KPNA7: variants seen among roughly 807,000 people sequenced by gnomAD.
The protein encoded by KPNA7 is karyopherin subunit alpha 7.
Under a neutral mutation model 53.7 loss-of-function variants are expected in KPNA7, and 54 were observed. The observed-to-expected ratio is 1.01, with a 90% confidence interval of 0.81 to 1.26. The LOEUF (loss-of-function observed/expected upper bound fraction) is 1.26. KPNA7 is among the 50% of genes most tolerant of loss of function. The pLI, the probability that KPNA7 is intolerant of heterozygous loss-of-function variation, is 0.00. For synonymous variants in KPNA7, 276 were observed against 259.3 expected (o/e 1.06, Z -0.62); for missense variants, 640 against 644.5 (o/e 0.99, Z 0.07).
chr7:99,212,556 CT>C (rs1372198441), upstream of KPNA7, among the ~76,000 whole-genome samples: 5 of 151,858 alleles, frequency 3.3e-5, no homozygotes, highest in East Asian at 9.7e-4. Context: ...GCATGGCTTA[CT>C]TTTAAGTAAT....
chr7:99,212,030 G>T (rs1373952355), upstream of KPNA7, among the ~76,000 whole-genome samples: 2 of 152,192 alleles, frequency 1.3e-5, no homozygotes, highest in African/African-American at 4.8e-5. Flanking sequence ...TTTGGTTGCT[G>T]CCCAGGGAGC....
intron 3 of KPNA7, among the ~76,000 whole-genome samples, chr7:99,197,819 T>C (rs528692305): frequency 4.6e-5 from 7 of 152,236 alleles, no homozygotes; most frequent in African/African-American, 9.6e-5. Flanking sequence ...AAGATGAAAA[T>C]TGACAGATCT....
downstream of KPNA7, among the ~76,000 whole-genome samples, chr7:99,170,306 G>A (rs991089711): frequency 4.6e-5 from 7 of 152,158 alleles, no homozygotes; most frequent in Admixed American, 2.6e-4. Flanking sequence ...TAATGAAGAA[G>A]GAGGCTTGAA....
In KPNA7 at chr7:99,184,948, A is replaced by G. The variant is rs1374086459; in HGVS notation, c.1115T>C (p.Leu372Ser). The G allele has an allele frequency of 1.3e-6, 2 of 1,551,930 alleles. No homozygotes were observed. Among genetic ancestry groups the G allele is most frequent in the African/African-American group, 2.7e-5 (2 of 73,034 alleles). ...QLLAYDVLPP[L>S]VALLKNGEFK... The stretch of plus-strand genomic sequence containing the variant: ...ACTTACGTTTTTTAGCAGAGCCACC[A>G]AGGGAGGCAAGACGTCGTAGGCAAG... The change falls in exon 8 of 11, where the codon TTG (leucine) becomes TCG (serine). Residue 372 changes from leucine (L) to serine (S), a missense_variant. Physicochemically the swap from Leu to Ser is moderately radical, Grantham distance 145. Coordinates refer to ENST00000327442, the MANE Select transcript of KPNA7 (RefSeq NM_001145715.3).
At chr7:99,205,058 T>G (rs1347982197) in intron 2 of KPNA7, among the ~76,000 whole-genome samples, 2 of 152,088 alleles carry the variant, frequency 1.3e-5, no homozygotes, top group Non-Finnish European at 2.9e-5. Flanking sequence ...TCGTTCTCAC[T>G]GATTTCCTTT....
downstream of KPNA7, among the ~76,000 whole-genome samples, chr7:99,168,809 C>T (rs377586167): frequency 6.6e-6 from 1 of 152,312 alleles, no homozygotes; most frequent in African/African-American, 2.4e-5. Flanking sequence ...TGTTTCCTTA[C>T]CTTTGACATG....
intron 1 of KPNA7, among the ~76,000 whole-genome samples, chr7:99,207,699 G>A (rs1316542091): frequency 1.6e-5 from 2 of 123,936 alleles, no homozygotes; most frequent in Non-Finnish European, 3.2e-5. Context: ...GCAGTGGGGG[G>A]ATATCAGTTC....
chr7:99,177,185 A>T (rs935177046), intron 10 of KPNA7, among the ~76,000 whole-genome samples: 1 of 152,176 alleles, frequency 6.6e-6, no homozygotes, highest in Non-Finnish European at 1.5e-5. Flanking sequence ...ATTCATAGAG[A>T]CAGAAAGCAA....
intron 7 of KPNA7, among the ~76,000 whole-genome samples, chr7:99,187,815 A>T (rs756412517): frequency 0.24 from 30,468 of 128,110 alleles, 4,492 homozygotes; most frequent in South Asian, 0.34. Flanking sequence ...AAAAAAAAAA[A>T]AAAAAAAAAA....
downstream of KPNA7, among the ~76,000 whole-genome samples, chr7:99,170,252 T>C (rs1798747768): frequency 1.3e-5 from 2 of 151,940 alleles, no homozygotes; most frequent in Admixed American, 6.6e-5. Context: ...CAAGAATCAA[T>C]GCATAAACAA....
At chr7:99,193,143 G>T (rs1790049164) in intron 5 of KPNA7, 42 bp from the exon 6 acceptor site, 9 of 1,279,850 alleles carry the variant, frequency 7.0e-6, no homozygotes, top group Non-Finnish European at 9.5e-6. Context: ...AGAGAACAAA[G>T]ACAATCCTGA....
Position 99,173,772 on chromosome 7 carries a change from A to G in KPNA7, c.1487T>C (p.Leu496Ser), listed in dbSNP as rs964768470. ...ATCTTGGTCTATGACTTGGCTCAGT[A>G]AAGTTTGGCTCTCATCTTCTTCCTT... ...FGEEEDESQT[L>S]LSQVIDQDYE... Residue 496 changes from leucine (L) to serine (S), a missense_variant, in exon 11 of 11, where the codon TTA becomes TCA. By Grantham distance (145) the Leu-to-Ser change is moderately radical (BLOSUM62 -2). Coordinates refer to ENST00000327442, the MANE Select transcript of KPNA7 (RefSeq NM_001145715.3). 3.0e-5 allele frequency: 47 copies of G among 1,551,000 alleles called. No homozygotes were observed. The highest frequency in any genetic ancestry group is 3.7e-5 in the Non-Finnish European group (42 of 1,146,088).
chr7:99,151,236 G>A, the KPNA7 span, among the ~76,000 whole-genome samples: 1 of 152,052 alleles, frequency 6.6e-6, no homozygotes, highest in African/African-American at 2.4e-5. Flanking sequence ...TGTCTGTTTA[G>A]CCTGCATCAA....
intron 3 of KPNA7, among the ~76,000 whole-genome samples, chr7:99,200,715 C>T (rs545230621): frequency 1.3e-5 from 2 of 152,312 alleles, no homozygotes; most frequent in South Asian, 4.1e-4. Flanking sequence ...GTGGCTCACA[C>T]CTGTAATCCC....
At chr7:99,150,423 C>CTTTTTTTTT in the KPNA7 span, among the ~76,000 whole-genome samples, 1,982 of 132,410 alleles carry the variant, frequency 0.015, 155 homozygotes, top group African/African-American at 0.044. Flanking sequence ...TCATTCTTCT[C>CTTTTTTTTT]TTTTTTTTGA....
At chr7:99,218,530 A>G (rs757359464) in intron 1 of KPNA7, among the ~76,000 whole-genome samples, 13 of 152,100 alleles carry the variant, frequency 8.5e-5, no homozygotes, top group Non-Finnish European at 1.8e-4. Flanking sequence ...GTCACAGCCC[A>G]CTATGTGGTT....
At chr7:99,158,557 G>T in the KPNA7 span, among the ~76,000 whole-genome samples, 1 of 152,126 alleles carries the variant, frequency 6.6e-6, no homozygotes, top group East Asian at 1.9e-4. Flanking sequence ...AGGCTGGAGT[G>T]CAGTGGCACG....
chr7:99,184,321 A>C (rs926351975), intron 8 of KPNA7, among the ~76,000 whole-genome samples: 1 of 151,870 alleles, frequency 6.6e-6, no homozygotes, highest in Non-Finnish European at 1.5e-5. Flanking sequence ...AGCCTGGCTA[A>C]TTTTTGTATA....
intron 9 of KPNA7, among the ~76,000 whole-genome samples, chr7:99,181,085 CTCTCTCTCTCCGTCTGTG>C (rs1485467315): frequency 1.7e-5 from 1 of 57,276 alleles, no homozygotes; most frequent in Admixed American, 1.9e-4. Context: ...CTGTGTCTCT[CTCTCTCTCTCCGTCTGTG>C]TCTCTCTCTC....
Sources: gnomAD v4.1 joint callset for allele counts (sites outside exome capture counted in the v4.1 genomes callset) on GRCh38, gnomAD v4.1.1 for gene constraint, MANE v1.5 for transcripts, NCBI Gene and HGNC (gene_info 2026-07-23, HGNC 2026-07-21) for gene names.